Variants in VPS50 observed in about 807,000 individuals in gnomAD.
The protein encoded by VPS50 is syndetin.
VPS50 carries 70 observed loss-of-function variants against 139.7 expected under a neutral mutation model. The ratio of observed to expected loss-of-function variants is 0.50; its 90% CI spans 0.41 to 0.61. VPS50 has a LOEUF of 0.61. Among genes scored for constraint, VPS50 ranks in the 20% least tolerant of loss-of-function variants. The pLI, the probability that VPS50 is intolerant of heterozygous loss-of-function variation, is 0.00. For missense variants in VPS50, 921 were observed against 1,133.7 expected (o/e 0.81, Z 2.69); for synonymous variants, 365 against 376.7 (o/e 0.97, Z 0.36).
chr7:93,251,091 T>G (rs982829281), intron 2 of VPS50, among the ~76,000 whole-genome samples: 5 of 152,148 alleles, frequency 3.3e-5, no homozygotes, highest in African/African-American at 9.7e-5. Context: ...GGAGTGTAAA[T>G]TAGTTCAACC....
At chr7:93,323,791 A>G (rs953442472) in intron 21 of VPS50, 59 bp downstream of exon 21, 24 of 900,586 alleles carry the variant, frequency 2.7e-5, no homozygotes, top group African/African-American at 1.1e-4. Flanking sequence ...TATAAATGTC[A>G]AAGTTTTTCA....
rs769834055 is a variant in VPS50, at chr7:93,334,158, A to T, written c.2019A>T (p.Arg673Ser). The change falls in exon 22 of 28, where the codon AGA becomes AGT. Residue 673 changes from arginine (R) to serine (S), a missense_variant. Physicochemically the swap from Arg to Ser is moderately radical, Grantham distance 110 (BLOSUM62 -1). This residue lies in a region of VPS50 where 744 missense variants were observed against 930.6 expected (regional missense o/e 0.80). Coordinates refer to ENST00000305866, the MANE Select transcript of VPS50 (RefSeq NM_017667.4). ...TCGGCCTTAGTAGTAGTAGACTAAG[A>T]ACAACTCTAAACAGAATACAAGAAA... ...TGLGLSSSRLRTTLNRIQESL... is the reference protein window; with the variant it reads ...TGLGLSSSRLSTTLNRIQESL... The T allele has an allele frequency of 6.3e-7, 1 of 1,596,670 alleles. No homozygotes were observed. The highest frequency in any genetic ancestry group is 8.6e-7 in the Non-Finnish European group (1 of 1,167,866).
intron 2 of VPS50, 45 bp downstream of exon 2, chr7:93,239,979 A>G: frequency 9.2e-7 from 1 of 1,088,488 alleles, no homozygotes; most frequent in Non-Finnish European, 1.4e-6. Flanking sequence ...TTCCTTAAGA[A>G]AATATGATTG....
At chr7:93,332,493 T>C (rs1314528072) in intron 21 of VPS50, among the ~76,000 whole-genome samples, 2 of 152,138 alleles carry the variant, frequency 1.3e-5, no homozygotes, top group African/African-American at 4.8e-5. Context: ...ATGGAACAAA[T>C]AGAATTCACA....
intron 16 of VPS50, among the ~76,000 whole-genome samples, chr7:93,298,061 A>C (rs1796862597): frequency 6.6e-6 from 1 of 152,188 alleles, no homozygotes; most frequent in African/African-American, 2.4e-5. Context: ...TCACAGTGAT[A>C]TATGCCATGT....
chr7:93,353,588 C>G (rs1798617070), intron 25 of VPS50, 52 bp from the exon 26 acceptor site: 2 of 1,567,556 alleles, frequency 1.3e-6, no homozygotes, highest in Middle Eastern at 1.7e-4. Context: ...TATGGGAAAG[C>G]ATTGTGGCAT....
In VPS50 at chr7:93,305,864, G is replaced by C. The variant is rs762444634; in HGVS notation, c.1489G>C (p.Val497Leu). ...CATGGAACAGTCTCGCTCCCCATCA[G>C]TTTCACCTAGTAAACAGCCAGTCTC... is the stretch of plus-strand genomic sequence containing the variant. ...KFMEQSRSPSVSPSKQPVSTS... is the reference protein window; with the variant it reads ...KFMEQSRSPSLSPSKQPVSTS... Residue 497 changes from valine to leucine, a missense_variant, in exon 18 of 28, where the codon GTT becomes CTT. By Grantham distance (32) the Val-to-Leu change is conservative (BLOSUM62 1). Transcript: ENST00000305866. 7 of 1,612,630 alleles carry C rather than the reference G, an allele frequency of 4.3e-6. No homozygotes were observed. Among genetic ancestry groups the C allele is most frequent in the Non-Finnish European group, 5.9e-6 (7 of 1,178,896 alleles).
chr7:93,311,458 A>C (rs919954407), intron 20 of VPS50, among the ~76,000 whole-genome samples, 186 bp downstream of exon 20: 1 of 152,096 alleles, frequency 6.6e-6, no homozygotes, highest in Admixed American at 6.6e-5. Flanking sequence ...TAGTAATGCC[A>C]GTTTTTCTTT....
intron 14 of VPS50, among the ~76,000 whole-genome samples, chr7:93,295,654 A>G (rs1208624359): frequency 6.6e-6 from 1 of 151,960 alleles, no homozygotes; most frequent in Non-Finnish European, 1.5e-5. Flanking sequence ...GTCTTTTAAA[A>G]TGTATTTTTG....
intron 2 of VPS50, among the ~76,000 whole-genome samples, chr7:93,245,760 A>G (rs532800483): frequency 6.6e-6 from 1 of 152,028 alleles, no homozygotes; most frequent in East Asian, 1.9e-4. Context: ...GCTTTAAAAG[A>G]TAAGTTTATT....
intron 12 of VPS50, among the ~76,000 whole-genome samples, chr7:93,290,701 T>G (rs993708870): frequency 3.3e-5 from 5 of 152,044 alleles, no homozygotes; most frequent in African/African-American, 9.7e-5. Context: ...TTCAAAGATT[T>G]GATATACTTA....
At chr7:93,314,974 C>T (rs1797382098) in intron 20 of VPS50, among the ~76,000 whole-genome samples, 1 of 152,008 alleles carries the variant, frequency 6.6e-6, no homozygotes, top group African/African-American at 2.4e-5. Flanking sequence ...TTAAAATACC[C>T]CAAGGTATAA....
At chr7:93,339,785 CTT>C (rs1402473613) in intron 22 of VPS50, among the ~76,000 whole-genome samples, 2 of 152,066 alleles carry the variant, frequency 1.3e-5, no homozygotes, top group Non-Finnish European at 2.9e-5. Context: ...CATTTTAAAA[CTT>C]TGAGTGGGGG....
intron 20 of VPS50, among the ~76,000 whole-genome samples, chr7:93,314,687 C>G (rs1267805895): frequency 6.6e-6 from 1 of 152,112 alleles, no homozygotes. Context: ...TATACCCTAG[C>G]ACCCTAGCAC....
intron 12 of VPS50, among the ~76,000 whole-genome samples, chr7:93,283,638 A>T (rs1249391613): frequency 6.6e-6 from 1 of 152,222 alleles, no homozygotes; most frequent in Admixed American, 6.5e-5. Context: ...TTAAGGTCAC[A>T]TTAATTATGA....
chr7:93,276,346 A>C (rs761636294), intron 12 of VPS50, 41 bp downstream of exon 12: 1 of 1,552,512 alleles, frequency 6.4e-7, no homozygotes, highest in South Asian at 1.2e-5. Flanking sequence ...TCTCTCCTTT[A>C]GATTTTAAAT....
At chr7:93,240,963 C>T (rs937317628) in intron 2 of VPS50, among the ~76,000 whole-genome samples, 7 of 151,936 alleles carry the variant, frequency 4.6e-5, no homozygotes, top group African/African-American at 7.3e-5. Context: ...AAAAGCATTC[C>T]GTATAGTTTT....
chr7:93,232,948 A>G (rs538145072), intron 1 of VPS50, among the ~76,000 whole-genome samples: 10 of 152,320 alleles, frequency 6.6e-5, no homozygotes, highest in African/African-American at 2.4e-4. Context: ...GATTTTGGGC[A>G]AGTCCCCAAA....
chr7:93,235,012 T>C (rs1794757445), intron 1 of VPS50, among the ~76,000 whole-genome samples: 1 of 151,652 alleles, frequency 6.6e-6, no homozygotes, highest in African/African-American at 2.4e-5. Context: ...GGATAGAAAG[T>C]CCTGGGAATT....
Sources: gnomAD v4.1 joint callset for allele counts (sites outside exome capture counted in the v4.1 genomes callset) on GRCh38, gnomAD v4.1.1 for gene constraint, gnomAD v4.1.1 regional missense constraint, MANE v1.5 for transcripts, NCBI Gene and HGNC (gene_info 2026-07-23, HGNC 2026-07-21) for gene names.